The following SLC25A21 variants were observed in gnomAD, a reference collection of about 807,000 sequenced individuals.
The protein encoded by SLC25A21 is solute carrier family 25 member 21, also known as mitochondrial 2-oxodicarboxylate carrier.
In SLC25A21, 47 loss-of-function variants were observed where a neutral mutation model predicts 43.8. The ratio of observed to expected loss-of-function variants is 1.07; its 90% CI spans 0.85 to 1.37. SLC25A21 has a LOEUF of 1.37. Ranked by LOEUF, SLC25A21 falls within the 40% of genes most tolerant of loss-of-function variation. The pLI, the probability that SLC25A21 is intolerant of heterozygous loss-of-function variation, is 0.00. For synonymous variants in SLC25A21, 131 were observed against 121.3 expected (o/e 1.08, Z -0.52); for missense variants, 352 against 350.2 (o/e 1.00, Z -0.04).
At chr14:37,109,971 T>G (rs1424846371) in intron 1 of SLC25A21, among the ~76,000 whole-genome samples, 1 of 152,174 alleles carries the variant, frequency 6.6e-6, no homozygotes, top group African/African-American at 2.4e-5. Flanking sequence ...TAAATGTACA[T>G]AATGAATGTA....
intron 8 of SLC25A21, among the ~76,000 whole-genome samples, chr14:36,684,542 T>C (rs945405479): frequency 2.6e-5 from 4 of 152,170 alleles, no homozygotes; most frequent in Non-Finnish European, 2.9e-5. Context: ...AGGCAGCATA[T>C]TGTCACTTGA....
At chr14:36,701,614 T>C (rs1883280698) in intron 7 of SLC25A21, among the ~76,000 whole-genome samples, 1 of 152,210 alleles carries the variant, frequency 6.6e-6, no homozygotes, top group Admixed American at 6.5e-5. Context: ...AAATGGATTA[T>C]GGTTTAGGCA....
At chr14:36,843,186 G>A (rs1448221353) in intron 2 of SLC25A21, among the ~76,000 whole-genome samples, 2 of 152,198 alleles carry the variant, frequency 1.3e-5, no homozygotes, top group African/African-American at 4.8e-5. Context: ...CTGGCCCAGG[G>A]TTTGGGGACC....
At chr14:36,983,748 G>T (rs1242848684) in intron 1 of SLC25A21, among the ~76,000 whole-genome samples, 1 of 152,024 alleles carries the variant, frequency 6.6e-6, no homozygotes, top group Middle Eastern at 3.2e-3. Context: ...GTCCATGAAT[G>T]GTTAAGTGGA....
At chr14:36,889,493 T>G (rs967759) in intron 1 of SLC25A21, among the ~76,000 whole-genome samples, 101,686 of 151,992 alleles carry the variant, frequency 0.67, 35,880 homozygotes, top group Non-Finnish European at 0.79. Context: ...TTAATTAATT[T>G]GATTGATGTT....
At chr14:36,786,092 T>C (rs142836398) in intron 3 of SLC25A21, among the ~76,000 whole-genome samples, 8 of 152,354 alleles carry the variant, frequency 5.3e-5, no homozygotes, top group African/African-American at 1.2e-4. Flanking sequence ...AGCAAGAGCG[T>C]GGGCTCTGGA....
At chr14:36,942,955 C>T (rs1243515784) in intron 1 of SLC25A21, among the ~76,000 whole-genome samples, 1 of 152,146 alleles carries the variant, frequency 6.6e-6, no homozygotes, top group African/African-American at 2.4e-5. Flanking sequence ...CTAGTCCACC[C>T]CCATCTTTTG....
At position 37,172,396 on chromosome 14, in the gene SLC25A21, G is replaced by A. The variant is rs765450767; in HGVS notation, c.-46C>T. ...AGGGAGTGGGCTGAGATGCGTCAAC[G>A]AGCTCGCAGCCTGCACAGCCTACTG... On this transcript the variant is annotated 5_prime_UTR_variant, in exon 1 of 10. Transcript: ENST00000331299. The A allele has an allele frequency of 1.9e-6, 3 of 1,545,718 alleles. No individual in the cohort carries two copies. The highest frequency in any genetic ancestry group is 1.8e-6 in the Non-Finnish European group (2 of 1,137,218).
chr14:37,075,757 G>A (rs1458025909), intron 1 of SLC25A21, among the ~76,000 whole-genome samples: 1 of 152,194 alleles, frequency 6.6e-6, no homozygotes, highest in African/African-American at 2.4e-5. Flanking sequence ...TTTGATTATT[G>A]AGTCATATGT....
At chr14:37,171,431 C>CAATAA (rs1555351448) in intron 1 of SLC25A21, among the ~76,000 whole-genome samples, 9 of 152,052 alleles carry the variant, frequency 5.9e-5, no homozygotes, top group African/African-American at 2.2e-4. Flanking sequence ...ATTAGAGTTA[C>CAATAA]TATAATTTAT....
At chr14:36,754,138 G>A (rs1243322276) in intron 3 of SLC25A21, among the ~76,000 whole-genome samples, 2 of 152,142 alleles carry the variant, frequency 1.3e-5, no homozygotes, top group Non-Finnish European at 2.9e-5. Context: ...GTGTTTCTGT[G>A]AGGATGTTTT....
intron 1 of SLC25A21, among the ~76,000 whole-genome samples, chr14:37,058,087 T>A (rs893829695): frequency 7.9e-5 from 12 of 152,198 alleles, no homozygotes; most frequent in Non-Finnish European, 1.6e-4. Flanking sequence ...AGTCTATTGA[T>A]CCAAAACGTT....
chr14:37,090,001 G>A (rs1962554754), intron 1 of SLC25A21, among the ~76,000 whole-genome samples: 1 of 152,120 alleles, frequency 6.6e-6, no homozygotes, highest in Admixed American at 6.6e-5. Flanking sequence ...CAATGAAACT[G>A]GCAAACCCCT....
chr14:36,691,566 T>C (rs1882795461), intron 7 of SLC25A21, among the ~76,000 whole-genome samples: 1 of 152,202 alleles, frequency 6.6e-6, no homozygotes, highest in Non-Finnish European at 1.5e-5. Context: ...AACTGTTAAC[T>C]ACTCTTGATG....
intron 6 of SLC25A21, among the ~76,000 whole-genome samples, chr14:36,723,308 A>G (rs1884451229): frequency 6.6e-6 from 1 of 152,236 alleles, no homozygotes; most frequent in Non-Finnish European, 1.5e-5. Flanking sequence ...AATGTGCCAC[A>G]TCAAAACACC....
rs375731888 is a variant in SLC25A21 at position 36,783,436 on chromosome 14, C to G, written c.203+30482G>C. Among the ~76,000 whole-genome samples the G allele has an allele frequency of 2.6e-5, 4 of 152,198 alleles. No homozygotes were observed. In the East Asian group the frequency reaches 7.7e-4, roughly 29 times the overall value. ...GAGCCCTGATTACTGTGAGTTTCCA[C>G]CTGTCTTCCTTGGTCTCAGCCTCTC... On this transcript the variant is annotated intron_variant, in intron 3 of 9. Coordinates refer to ENST00000331299, the MANE Select transcript of SLC25A21 (RefSeq NM_030631.4).
intron 2 of SLC25A21, among the ~76,000 whole-genome samples, chr14:36,830,577 C>G (rs188848790): frequency 4.6e-5 from 7 of 152,144 alleles, no homozygotes; most frequent in Admixed American, 4.6e-4. Flanking sequence ...TCATATTCCT[C>G]TCTCTGGAAA....
chr14:36,818,231 G>C (rs914281143), intron 2 of SLC25A21, among the ~76,000 whole-genome samples: 1 of 152,188 alleles, frequency 6.6e-6, no homozygotes, highest in African/African-American at 2.4e-5. Context: ...GGGAAAGGGA[G>C]AGGGGAAATA....
At chr14:37,130,765 G>A (rs1963378965) in intron 1 of SLC25A21, among the ~76,000 whole-genome samples, 1 of 152,180 alleles carries the variant, frequency 6.6e-6, no homozygotes, top group Non-Finnish European at 1.5e-5. Context: ...GTAGTTTATG[G>A]AGCACATACT....
Sources: allele counts gnomAD v4.1 joint callset (sites outside exome capture counted in the v4.1 genomes callset), GRCh38; gene constraint gnomAD v4.1.1; transcripts MANE v1.5; gene names NCBI Gene and HGNC (gene_info 2026-07-23, HGNC 2026-07-21).